ATP13A4: variants seen among roughly 807,000 people sequenced by gnomAD.
ATP13A4 encodes probable cation-transporting ATPase 13A4.
In ATP13A4, 114 loss-of-function variants were observed where a neutral mutation model predicts 142.5. That is an observed-to-expected ratio of 0.80 (90% CI 0.69 to 0.93). ATP13A4 has a LOEUF of 0.93. Among genes scored for constraint, ATP13A4 ranks in the 40% least tolerant of loss-of-function variants. ATP13A4 has a pLI of 0.00. For synonymous variants in ATP13A4, 488 were observed against 514.8 expected, an observed-to-expected ratio of 0.95 and a Z score of 0.70; for missense variants, 1,392 against 1,454.0, an observed-to-expected ratio of 0.96 and a Z score of 0.69.
chr3:193,574,120 C>T (rs1019812047), intron 2 of ATP13A4, among the ~76,000 whole-genome samples: 14 of 152,170 alleles, frequency 9.2e-5, no homozygotes, highest in Non-Finnish European at 1.6e-4. Context: ...TGCATCATTT[C>T]TTCTTTTTAA....
chr3:193,455,863 A>G (rs545580698), intron 16 of ATP13A4, among the ~76,000 whole-genome samples: 1 of 152,378 alleles, frequency 6.6e-6, no homozygotes, highest in East Asian at 1.9e-4. Context: ...GCCATAAAAA[A>G]GAATGAGATC....
chr3:193,576,360 T>C (rs548871818), intron 2 of ATP13A4, among the ~76,000 whole-genome samples: 4 of 137,634 alleles, frequency 2.9e-5, no homozygotes, highest in African/African-American at 8.2e-5. Context: ...CAAGCTCCGC[T>C]TCCCGGGTTC....
chr3:193,593,095 T>A, exon 1 of ATP13A4: 1 of 411,514 alleles, frequency 2.4e-6, no homozygotes, highest in Non-Finnish European at 4.3e-6. Flanking sequence ...ATTGCTCCAG[T>A]CCGTTCCCGA....
chr3:193,552,480 A>T (rs1214064612), intron 1 of ATP13A4, among the ~76,000 whole-genome samples: 2 of 152,242 alleles, frequency 1.3e-5, no homozygotes, highest in Non-Finnish European at 2.9e-5. Context: ...TTGGTGTGAC[A>T]CATTTCTGGA....
At chr3:193,525,744 T>A (rs958295100) in intron 1 of ATP13A4, among the ~76,000 whole-genome samples, 8 of 152,214 alleles carry the variant, frequency 5.3e-5, no homozygotes, top group Admixed American at 5.2e-4. Context: ...AACACGTCTC[T>A]CTCAACCAGA....
chr3:193,526,537 G>A (rs1035006057), intron 1 of ATP13A4, among the ~76,000 whole-genome samples: 5 of 152,058 alleles, frequency 3.3e-5, no homozygotes, highest in African/African-American at 1.2e-4. Context: ...AGGTTGATAG[G>A]TGCAGCAAAC....
chr3:193,440,997 ATCTATC>A (rs1560188643), intron 20 of ATP13A4, among the ~76,000 whole-genome samples: 1 of 148,852 alleles, frequency 6.7e-6, no homozygotes, highest in Admixed American at 6.8e-5. Flanking sequence ...TAAACTATCG[ATCTATC>A]TCTCTCTCTC....
intron 1 of ATP13A4, among the ~76,000 whole-genome samples, chr3:193,522,387 C>G (rs992833680): frequency 4.5e-4 from 69 of 152,170 alleles, no homozygotes; most frequent in African/African-American, 1.6e-3. Flanking sequence ...CCCTAAATAT[C>G]TATTTTGTCA....
rs533825493 is a variant in ATP13A4, at chr3:193,425,163, T to C, written c.2842+8682A>G. Among the ~76,000 whole-genome samples, 19 of 151,718 alleles carry C rather than the reference T, an allele frequency of 1.3e-4. 2 individuals are homozygous for C. The highest frequency in any genetic ancestry group is 4.6e-4 in the African/African-American group (19 of 41,472). Reference sequence around the variant, plus strand: ...TGCAAATCAAAACCACCGTGAGATATAATCTCACTCCAGTTAGAACAGCTA... The same window carrying C: ...TGCAAATCAAAACCACCGTGAGATACAATCTCACTCCAGTTAGAACAGCTA... On this transcript the variant is annotated intron_variant, in intron 25 of 29. Transcript: ENST00000342695.
intron 3 of ATP13A4, among the ~76,000 whole-genome samples, chr3:193,496,369 T>G (rs548666458): frequency 6.6e-6 from 1 of 152,020 alleles, no homozygotes; most frequent in Admixed American, 6.6e-5. Context: ...GGCAGAGAAA[T>G]AGACATATAG....
chr3:193,581,014 C>A (rs998766323), intron 2 of ATP13A4, among the ~76,000 whole-genome samples: 1 of 152,176 alleles, frequency 6.6e-6, no homozygotes, highest in Non-Finnish European at 1.5e-5. Flanking sequence ...TCATTACTAT[C>A]AATCCTATCT....
At chr3:193,576,247 ATCTT>A (rs1724390293) in intron 2 of ATP13A4, among the ~76,000 whole-genome samples, 3 of 107,338 alleles carry the variant, frequency 2.8e-5, no homozygotes, top group Middle Eastern at 7.0e-3. Context: ...GCTTGAATCA[ATCTT>A]TTTTTTTTTT....
intron 1 of ATP13A4, among the ~76,000 whole-genome samples, chr3:193,521,464 T>G (rs1444504146): frequency 6.6e-6 from 1 of 152,148 alleles, no homozygotes; most frequent in Non-Finnish European, 1.5e-5. Flanking sequence ...AAGGAATATA[T>G]TTAATGACAA....
intron 14 of ATP13A4, chr3:193,458,714 T>A (rs749911671): frequency 6.3e-5 from 28 of 447,130 alleles, no homozygotes; most frequent in South Asian, 9.4e-5. Flanking sequence ...TGTTTTCTGA[T>A]CCCCATATTC....
At chr3:193,495,263 C>A (rs555002360) in intron 3 of ATP13A4, among the ~76,000 whole-genome samples, 6 of 151,968 alleles carry the variant, frequency 3.9e-5, no homozygotes, top group Admixed American at 1.3e-4. Flanking sequence ...ATATGCATCA[C>A]CCTGATAACA....
intron 1 of ATP13A4, among the ~76,000 whole-genome samples, chr3:193,552,688 G>C (rs281817): frequency 0.4 from 60,933 of 151,958 alleles, 12,485 homozygotes; most frequent in South Asian, 0.57. Context: ...AACTGGAAAA[G>C]GTATCAGTGG....
chr3:193,478,458 A>C (rs1388983951), intron 8 of ATP13A4, among the ~76,000 whole-genome samples: 8 of 152,074 alleles, frequency 5.3e-5, no homozygotes, highest in Non-Finnish European at 1.2e-4. Context: ...AACTGATAAC[A>C]CAGAAACACA....
chr3:193,479,479 C>T (rs1719165489), intron 8 of ATP13A4, among the ~76,000 whole-genome samples: 1 of 152,026 alleles, frequency 6.6e-6, no homozygotes, highest in South Asian at 2.1e-4. Flanking sequence ...CAACAGTGAC[C>T]AAGCTGAGAA....
chr3:193,456,487 A>C (rs1442844485), intron 16 of ATP13A4, among the ~76,000 whole-genome samples: 3 of 152,200 alleles, frequency 2.0e-5, no homozygotes, highest in African/African-American at 7.2e-5. Flanking sequence ...GCCCATCTGG[A>C]AAGTTCACTG....
Sources: gnomAD v4.1 joint callset for allele counts (sites outside exome capture counted in the v4.1 genomes callset) on GRCh38, gnomAD v4.1.1 for gene constraint, MANE v1.5 for transcripts, NCBI Gene and HGNC (gene_info 2026-07-23, HGNC 2026-07-21) for gene names.